Variants in NALCN observed in about 807,000 individuals in gnomAD.
The protein encoded by NALCN is sodium leak channel, non-selective.
NALCN carries 111 observed loss-of-function variants against 225.3 expected under a neutral mutation model. The ratio of observed to expected loss-of-function variants is 0.49; its 90% CI spans 0.42 to 0.58. The LOEUF is 0.58. Among genes scored for constraint, NALCN ranks in the 20% least tolerant of loss-of-function variants. NALCN has a pLI of 0.00. For missense variants in NALCN, 1,378 were observed against 2,202.4 expected, an observed-to-expected ratio of 0.63 and a Z score of 7.49; for synonymous variants, 764 against 769.0, an observed-to-expected ratio of 0.99 and a Z score of 0.11.
Position 101,249,764 on chromosome 13 carries a change from G to T in NALCN, c.1266+8679C>A, listed in dbSNP as rs544862154. The stretch of plus-strand genomic sequence containing the variant: ...GTGAGCTTTATTAACATGATGAAAG[G>T]CATCTATAAAAACCTACAAATGACA... On this transcript the variant is annotated intron_variant, in intron 11 of 43. Coordinates refer to ENST00000251127, the MANE Select transcript of NALCN (RefSeq NM_052867.4). 3.9e-5 allele frequency among the ~76,000 whole-genome samples: 6 copies of T among 152,076 alleles called. No individual in the cohort carries two copies. In the East Asian group the frequency reaches 1.2e-3, roughly 29 times the overall value.
At chr13:101,123,443 GC>G (rs2036076070) in intron 18 of NALCN, among the ~76,000 whole-genome samples, 1 of 152,292 alleles carries the variant, frequency 6.6e-6, no homozygotes, top group African/African-American at 2.4e-5. Flanking sequence ...GTGGTTCAAG[GC>G]CAGCCTCACT....
chr13:101,067,592 T>C (rs1371700815), intron 39 of NALCN, among the ~76,000 whole-genome samples: 1 of 152,232 alleles, frequency 6.6e-6, no homozygotes, highest in African/African-American at 2.4e-5. Context: ...ATTTGTAATA[T>C]ACTGTCCCTT....
intron 40 of NALCN, among the ~76,000 whole-genome samples, chr13:101,064,051 A>G (rs778544604): frequency 2.6e-5 from 4 of 152,236 alleles, no homozygotes; most frequent in African/African-American, 2.4e-5. Flanking sequence ...TGCTTCCTTT[A>G]TTATTCCATT....
At chr13:101,326,873 CT>C (rs2044972253) in intron 7 of NALCN, among the ~76,000 whole-genome samples, 1 of 152,156 alleles carries the variant, frequency 6.6e-6, no homozygotes, top group South Asian at 2.1e-4. Context: ...CTGGGGCTGG[CT>C]GACCTCAGTT....
In NALCN at chr13:101,298,327, A is replaced by ATTT. The variant is rs67572044; in HGVS notation, c.800-5964_800-5962dup. ...TATACAACTTGCCTAATCTCCAGCT[A>ATTT]TTTTTTTTTTTTGAGACGGTGTCTT... On this transcript the variant is annotated intron_variant, in intron 7 of 43. Coordinates refer to ENST00000251127, the MANE Select transcript of NALCN (RefSeq NM_052867.4). 8.4e-4 allele frequency among the ~76,000 whole-genome samples: 125 copies of ATTT among 148,196 alleles called. 1 individual carries two copies. The highest frequency in any genetic ancestry group is 1.6e-3 in the African/African-American group (65 of 40,338).
chr13:101,180,863 GTC>G (rs2039184079), intron 14 of NALCN: 1 of 352,000 alleles, frequency 2.8e-6, no homozygotes. Context: ...CTCTGCATCT[GTC>G]TCTCTCATGC....
At chr13:101,084,004 T>TC (rs2033804872) in intron 30 of NALCN, among the ~76,000 whole-genome samples, 200 bp from the exon 31 acceptor site, 1 of 152,134 alleles carries the variant, frequency 6.6e-6, no homozygotes, top group Non-Finnish European at 1.5e-5. Context: ...TGACCAGGTG[T>TC]TTCAGAGAGA....
chr13:101,303,610 G>A (rs530908420), intron 7 of NALCN, among the ~76,000 whole-genome samples: 10 of 152,120 alleles, frequency 6.6e-5, no homozygotes, highest in Non-Finnish European at 1.0e-4. Context: ...GAAGGAAAAC[G>A]GTCATTCACG....
chr13:101,314,492 G>T (rs552229500), intron 7 of NALCN, among the ~76,000 whole-genome samples: 24 of 152,190 alleles, frequency 1.6e-4, no homozygotes, highest in African/African-American at 5.1e-4. Context: ...ATGGCAGATG[G>T]TTCCTATATT....
rs185940159 is a variant in NALCN, at chr13:101,326,980, G to A, written c.799+18286C>T. Among the ~76,000 whole-genome samples, 181 of 152,290 alleles carry A rather than the reference G, an allele frequency of 1.2e-3. 1 individual carries two copies. Among genetic ancestry groups the A allele is most frequent in the Non-Finnish European group, 2.2e-3 (151 of 68,028 alleles). Reference sequence around the variant, plus strand: ...CAGATAAACAAGAGAGAGAGCCGCAGGGCCTCGTGGGACCTTAGTTCCAAA... The same window carrying A: ...CAGATAAACAAGAGAGAGAGCCGCAAGGCCTCGTGGGACCTTAGTTCCAAA... On this transcript the variant is annotated intron_variant, in intron 7 of 43. Coordinates refer to ENST00000251127, the MANE Select transcript of NALCN (RefSeq NM_052867.4).
rs982821000 is a variant in NALCN at position 101,376,703 on chromosome 13, G to T, written c.641C>A (p.Pro214Gln). Residue 214 changes from proline (P) to glutamine (Q), a missense_variant, in exon 6 of 44, where the codon CCA becomes CAA. Physicochemically the swap from Pro to Gln is moderately conservative, Grantham distance 76. Around this residue, in one of 19 missense-constraint regions of NALCN, gnomAD observed 67 missense variants for 82.1 expected, o/e 0.82. Coordinates refer to ENST00000251127, the MANE Select transcript of NALCN (RefSeq NM_052867.4). The stretch of plus-strand genomic sequence containing the variant: ...TGCAGTTAATAGATAAACTTACCCT[G>T]GCTTTGTGTCATTTACAACACAGTG... ...TYHCVVNDTK[P>Q]GNVTWNSLAI... 10 of 1,596,118 alleles carry T rather than the reference G, an allele frequency of 6.3e-6. No individual in the cohort carries two copies. The highest frequency in any genetic ancestry group is 5.6e-5 in the Admixed American group (3 of 53,964).
chr13:101,129,499 T>G (rs1057488643), intron 17 of NALCN, among the ~76,000 whole-genome samples: 1 of 152,174 alleles, frequency 6.6e-6, no homozygotes, highest in Non-Finnish European at 1.5e-5. Context: ...TTGTTCCTAG[T>G]ATGACAAGAT....
At chr13:101,180,069 A>G (rs192745797) in intron 14 of NALCN, among the ~76,000 whole-genome samples, 193 of 152,180 alleles carry the variant, frequency 1.3e-3, no homozygotes, top group African/African-American at 4.5e-3. Context: ...GGATGATCTC[A>G]TCACAAGATC....
intron 17 of NALCN, among the ~76,000 whole-genome samples, chr13:101,134,185 C>A (rs9582450): frequency 0.092 from 13,853 of 151,026 alleles, 676 homozygotes; most frequent in African/African-American, 0.13. Flanking sequence ...AACAAACAAA[C>A]AAAAAAAAAG....
At chr13:101,383,514 C>A (rs2046905939) in intron 3 of NALCN, among the ~76,000 whole-genome samples, 1 of 152,122 alleles carries the variant, frequency 6.6e-6, no homozygotes, top group South Asian at 2.1e-4. Flanking sequence ...GTTTGCAGCA[C>A]CCAGTACAGT....
At chr13:101,299,061 A>G (rs1277327891) in intron 7 of NALCN, among the ~76,000 whole-genome samples, 1 of 152,260 alleles carries the variant, frequency 6.6e-6, no homozygotes, top group Non-Finnish European at 1.5e-5. Flanking sequence ...TTTGAAGGCT[A>G]AAAGCCTAGA....
chr13:101,114,448 T>TCTCTCC (rs1367659388), intron 18 of NALCN, among the ~76,000 whole-genome samples: 1 of 151,660 alleles, frequency 6.6e-6, no homozygotes, highest in Non-Finnish European at 1.5e-5. Flanking sequence ...TCTCTCTCTC[T>TCTCTCC]CTCTCGCTGA....
chr13:101,192,135 C>T, intron 13 of NALCN, 81 bp from the exon 14 acceptor site: 1 of 1,471,538 alleles, frequency 6.8e-7, no homozygotes, highest in South Asian at 1.3e-5. Flanking sequence ...TGTTTGAAGA[C>T]TTTGATCTCA....
intron 39 of NALCN, among the ~76,000 whole-genome samples, chr13:101,067,135 T>A (rs667461): frequency 0.76 from 114,547 of 149,958 alleles, 44,662 homozygotes; most frequent in African/African-American, 0.9. Context: ...AGTGTTTGCT[T>A]GGATGAGGAA....
Sources: allele counts gnomAD v4.1 joint callset (sites outside exome capture counted in the v4.1 genomes callset), GRCh38; gene constraint gnomAD v4.1.1; regional missense constraint gnomAD v4.1.1; transcripts MANE v1.5; gene names NCBI Gene and HGNC (gene_info 2026-07-23, HGNC 2026-07-21).